The following KAZN variants were observed in gnomAD, a reference collection of about 807,000 sequenced individuals.
KAZN encodes the protein kazrin, periplakin interacting protein.
KAZN carries 40 observed loss-of-function variants against 87.4 expected under a neutral mutation model. That is an observed-to-expected ratio of 0.46 (90% CI 0.36 to 0.60). The LOEUF (loss-of-function observed/expected upper bound fraction) is 0.60. KAZN is among the 20% of genes least tolerant of loss of function. KAZN has a pLI of 0.00. For synonymous variants in KAZN, 466 were observed against 458.3 expected (o/e 1.02, Z -0.22); for missense variants, 898 against 1,073.9 (o/e 0.84, Z 2.29).
intron 2 of KAZN, among the ~76,000 whole-genome samples, chr1:14,528,206 T>C (rs1476316187): frequency 6.6e-6 from 1 of 151,136 alleles, no homozygotes; most frequent in African/African-American, 2.4e-5. Flanking sequence ...GGTGTGGTGG[T>C]GCACACGGGT....
At chr1:14,742,432 T>C (rs750575459) in intron 1 of KAZN, among the ~76,000 whole-genome samples, 1 of 152,194 alleles carries the variant, frequency 6.6e-6, no homozygotes, top group Non-Finnish European at 1.5e-5. Context: ...ACTCAGGCAC[T>C]GAATAAATAC....
At chr1:14,449,921 T>C (rs1667176856) in intron 2 of KAZN, among the ~76,000 whole-genome samples, 1 of 152,168 alleles carries the variant, frequency 6.6e-6, no homozygotes, top group Non-Finnish European at 1.5e-5. Context: ...AGGGGATACA[T>C]TCCCAGATTC....
intron 2 of KAZN, among the ~76,000 whole-genome samples, chr1:14,447,208 C>CATTATTATTATT (rs55650123): frequency 0.016 from 2,159 of 131,150 alleles, 48 homozygotes; most frequent in African/African-American, 0.036. Context: ...GTTTCCACCA[C>CATTATTATTATT]ATTATTATTA....
chr1:14,988,459 G>T (rs1667044273), intron 2 of KAZN, among the ~76,000 whole-genome samples: 1 of 152,232 alleles, frequency 6.6e-6, no homozygotes, highest in South Asian at 2.1e-4. Context: ...ACCCGGCCCA[G>T]CCCTGCTGGA....
intron 2 of KAZN, among the ~76,000 whole-genome samples, chr1:14,369,291 T>C (rs557813083): frequency 9.1e-4 from 139 of 152,308 alleles, no homozygotes; most frequent in African/African-American, 3.2e-3. Flanking sequence ...CGTTCGCTCT[T>C]CAGTTTCCTC....
rs1339779843 is a variant in KAZN at position 15,096,693 on chromosome 1, A to G, written c.1547+1760A>G. Among the ~76,000 whole-genome samples, 1 of 152,194 alleles carries G rather than the reference A, an allele frequency of 6.6e-6. No individual in the cohort carries two copies. The highest frequency in any genetic ancestry group is 1.5e-5 in the Non-Finnish European group (1 of 68,032). On this transcript the variant is annotated intron_variant, in intron 10 of 14. Coordinates refer to ENST00000376030, the MANE Select transcript of KAZN (RefSeq NM_201628.3). This position sits in a 1 kb window ranked among gnomAD's most constrained non-coding sequence, Gnocchi z 4.5. ...GCTCTCTTCCTGGCTTGCAGAAGGC[A>G]ACCTTCTTGCTGTGTCCTCACATGG...
intron 4 of KAZN, among the ~76,000 whole-genome samples, chr1:15,046,190 C>G (rs556057682): frequency 6.6e-6 from 1 of 150,976 alleles, no homozygotes; most frequent in Non-Finnish European, 1.5e-5. Context: ...CCCAGTTACT[C>G]GGGAGGCTGA....
At chr1:14,083,286 A>G (rs1053246997) in intron 1 of KAZN, among the ~76,000 whole-genome samples, 1 of 152,246 alleles carries the variant, frequency 6.6e-6, no homozygotes, top group Admixed American at 6.5e-5. Context: ...TATAAATAAC[A>G]TTGATGAGCA....
intron 1 of KAZN, among the ~76,000 whole-genome samples, chr1:14,858,708 A>G (rs1348657785): frequency 6.6e-6 from 1 of 152,216 alleles, no homozygotes; most frequent in African/African-American, 2.4e-5. Context: ...AACATACTTA[A>G]AAGGATACAA....
At chr1:14,279,600 C>T (rs1282536146) in intron 2 of KAZN, among the ~76,000 whole-genome samples, 1 of 152,132 alleles carries the variant, frequency 6.6e-6, no homozygotes, top group Non-Finnish European at 1.5e-5. Flanking sequence ...AAAGCCATAG[C>T]CCTGAGTATG....
chr1:14,566,394 A>T (rs1674551412), intron 2 of KAZN, among the ~76,000 whole-genome samples: 1 of 152,184 alleles, frequency 6.6e-6, no homozygotes, highest in Non-Finnish European at 1.5e-5. Context: ...TTGGTGTTCC[A>T]TTTATAGAGC....
intron 2 of KAZN, among the ~76,000 whole-genome samples, chr1:14,195,352 C>T (rs183201198): frequency 4.2e-4 from 64 of 152,186 alleles, no homozygotes; most frequent in East Asian, 9.7e-4. Flanking sequence ...CTTCATTCTG[C>T]GTTGCTGATA....
chr1:14,381,124 T>C (rs1661329804), intron 2 of KAZN, among the ~76,000 whole-genome samples: 1 of 152,138 alleles, frequency 6.6e-6, no homozygotes, highest in Non-Finnish European at 1.5e-5. Flanking sequence ...CAGGTATGTA[T>C]GTGTGTATAT....
intron 1 of KAZN, among the ~76,000 whole-genome samples, chr1:13,964,096 T>A (rs1318000259): frequency 6.6e-6 from 1 of 152,218 alleles, no homozygotes; most frequent in East Asian, 1.9e-4. Flanking sequence ...ATCCATTTTT[T>A]AAAATTGTCT....
intron 2 of KAZN, among the ~76,000 whole-genome samples, chr1:14,199,281 G>T (rs1008330510): frequency 2.0e-5 from 3 of 151,962 alleles, no homozygotes; most frequent in African/African-American, 7.3e-5. Context: ...CACCCTCACC[G>T]CCCTTTTCTG....
At chr1:14,924,359 C>A (rs1404993737) in intron 1 of KAZN, 5 of 988,854 alleles carry the variant, frequency 5.1e-6, no homozygotes, top group Non-Finnish European at 4.8e-6. Context: ...CCCCCGGGCA[C>A]CCGGCATGCG....
chr1:14,035,224 G>A (rs955594270), intron 1 of KAZN, among the ~76,000 whole-genome samples: 5 of 152,118 alleles, frequency 3.3e-5, no homozygotes, highest in Non-Finnish European at 5.9e-5. Flanking sequence ...CGTGGTTGCC[G>A]CAGTGGAATT....
intron 2 of KAZN, among the ~76,000 whole-genome samples, chr1:14,535,436 G>T (rs985576831): frequency 2.6e-5 from 4 of 152,344 alleles, no homozygotes; most frequent in African/African-American, 9.6e-5. Context: ...GGGAGGCCAA[G>T]GCGGGTGGAT....
intron 2 of KAZN, among the ~76,000 whole-genome samples, chr1:14,251,003 C>A (rs564422175): frequency 2.0e-5 from 3 of 151,998 alleles, no homozygotes; most frequent in East Asian, 1.9e-4. Context: ...ACAACAACAA[C>A]AAAAAACATG....
Sources: gnomAD v4.1 joint callset for allele counts (sites outside exome capture counted in the v4.1 genomes callset) on GRCh38, gnomAD v4.1.1 for gene constraint, Gnocchi (gnomAD v3.1) non-coding constraint, MANE v1.5 for transcripts, NCBI Gene and HGNC (gene_info 2026-07-23, HGNC 2026-07-21) for gene names.